GINM1: variants seen among roughly 807,000 people sequenced by gnomAD.
The protein encoded by GINM1 is glycosylated integral membrane protein 1.
Under a neutral mutation model 37.8 loss-of-function variants are expected in GINM1, and 29 were observed. The observed-to-expected ratio is 0.77, with a 90% CI of 0.57 to 1.05. The LOEUF is 1.05. Among genes scored for constraint, GINM1 ranks in the 50% least tolerant of loss-of-function variants. The probability of loss-of-function intolerance (pLI) is 0.00; values close to 1 mark genes in which losing one functional copy is unlikely to be tolerated. For missense variants in GINM1, 377 were observed against 397.9 expected (o/e 0.95, Z 0.45); for synonymous variants, 143 against 146.2 (o/e 0.98, Z 0.16).
chr6:149,582,003 A>G, intron 6 of GINM1: 1 of 470,824 alleles, frequency 2.1e-6, no homozygotes. Flanking sequence ...TGAACTTCCC[A>G]TGTATTCTAA....
At chr6:149,590,147 C>T (rs1055431914) in intron 7 of GINM1, among the ~76,000 whole-genome samples, 2 of 152,180 alleles carry the variant, frequency 1.3e-5, no homozygotes, top group African/African-American at 4.8e-5. Flanking sequence ...CTTAAGACAA[C>T]TTTGTCTTCT....
intron 7 of GINM1, among the ~76,000 whole-genome samples, chr6:149,585,623 C>G (rs1389359513): frequency 1.3e-5 from 2 of 151,928 alleles, no homozygotes; most frequent in Admixed American, 1.3e-4. Flanking sequence ...GACAGAGTCT[C>G]ACTCTGTCGC....
intron 1 of GINM1, among the ~76,000 whole-genome samples, chr6:149,568,943 T>A (rs1489701354): frequency 1.6e-4 from 24 of 152,132 alleles, no homozygotes; most frequent in Non-Finnish European, 5.9e-5. Context: ...GTGATTCTCC[T>A]ATCTCAGCCT....
At chr6:149,586,014 G>A (rs1357380867) in intron 7 of GINM1, among the ~76,000 whole-genome samples, 1 of 152,162 alleles carries the variant, frequency 6.6e-6, no homozygotes, top group Non-Finnish European at 1.5e-5. Context: ...CTTGTTCAGT[G>A]TTAGTTTTGT....
intron 2 of GINM1, 33 bp downstream of exon 2, chr6:149,572,377 TTAGC>T: frequency 6.9e-7 from 1 of 1,448,160 alleles, no homozygotes; most frequent in East Asian, 2.3e-5. Context: ...AATATATAAT[TTAGC>T]TAAGTGCTAT....
chr6:149,587,515 A>G (rs1778090784), intron 7 of GINM1, among the ~76,000 whole-genome samples: 1 of 152,182 alleles, frequency 6.6e-6, no homozygotes, highest in African/African-American at 2.4e-5. Context: ...GGGGCGGCTC[A>G]CAGATCTCAG....
chr6:149,579,905 T>C lies in GINM1; in HGVS notation c.501T>C (p.Tyr167=). The change falls in exon 5 of 8, where the codon TAT becomes TAC. Residue 167 remains tyrosine, a synonymous_variant. Coordinates refer to ENST00000367419, the MANE Select transcript of GINM1 (RefSeq NM_138785.5). ...KNRGVLRHSN[Y]TLPLEESMLY... ...GGGGAGTACTCAGACATTCAAACTATACCCTCCCTTTGGAAGAAAGCATGC... is the reference window on the plus strand; with the variant it reads ...GGGGAGTACTCAGACATTCAAACTACACCCTCCCTTTGGAAGAAAGCATGC... The C allele has an allele frequency of 1.2e-6, 2 of 1,607,468 alleles. No homozygotes were observed. Among genetic ancestry groups the C allele is most frequent in the Non-Finnish European group, 1.7e-6 (2 of 1,174,222 alleles).
chr6:149,580,554 C>A (rs1227242430), intron 5 of GINM1, 39 bp from the exon 6 acceptor site: 2 of 1,582,388 alleles, frequency 1.3e-6, no homozygotes, highest in Non-Finnish European at 8.6e-7. Flanking sequence ...TAGGATAAGA[C>A]ACCAGCATTT....
chr6:149,573,683 A>C (rs955302014), intron 3 of GINM1, among the ~76,000 whole-genome samples: 1 of 152,052 alleles, frequency 6.6e-6, no homozygotes, highest in Non-Finnish European at 1.5e-5. Flanking sequence ...CCCGGGCAAC[A>C]TGGTAAAACC....
At chr6:149,571,112 G>A (rs1049091378) in intron 1 of GINM1, among the ~76,000 whole-genome samples, 1 of 151,868 alleles carries the variant, frequency 6.6e-6, no homozygotes, top group Non-Finnish European at 1.5e-5. Flanking sequence ...TCGGGAGTTC[G>A]CAACCAGCCT....
chr6:149,585,004 G>A (rs534506260), intron 7 of GINM1, among the ~76,000 whole-genome samples: 1 of 152,082 alleles, frequency 6.6e-6, no homozygotes, highest in African/African-American at 2.4e-5. Flanking sequence ...AAAAGTTTTG[G>A]ATTTTGGAGC....
At chr6:149,569,088 C>G (rs898851440) in intron 1 of GINM1, among the ~76,000 whole-genome samples, 1 of 152,136 alleles carries the variant, frequency 6.6e-6, no homozygotes, top group African/African-American at 2.4e-5. Flanking sequence ...AGTGCACTGG[C>G]ATGATCTCGG....
intron 7 of GINM1, among the ~76,000 whole-genome samples, chr6:149,584,201 C>G (rs1486833904): frequency 6.6e-6 from 1 of 152,122 alleles, no homozygotes; most frequent in Non-Finnish European, 1.5e-5. Flanking sequence ...GTCTCGAACT[C>G]CTGACCTCAG....
chr6:149,581,789 A>T lies in GINM1; in HGVS notation c.718-651A>T, dbSNP rs115105059. 3.6e-3 allele frequency among the ~76,000 whole-genome samples: 549 copies of T among 152,262 alleles called. 3 individuals carry two copies. Among genetic ancestry groups the T allele is most frequent in the African/African-American group, 0.013 (521 of 41,540 alleles). ...ATGAGCAGGGTCTATGGTTGGTATT[A>T]AAGGAGTAGTAGTTCTCACTGAAGG... On this transcript the variant is annotated intron_variant, in intron 6 of 7. Transcript: ENST00000367419.
At chr6:149,583,366 G>A (rs1386938599) in intron 7 of GINM1, among the ~76,000 whole-genome samples, 2 of 152,158 alleles carry the variant, frequency 1.3e-5, no homozygotes, top group Non-Finnish European at 2.9e-5. Context: ...AGGAGGCTGA[G>A]GCAGGAGAAT....
At chr6:149,570,554 G>A (rs1412835654) in intron 1 of GINM1, among the ~76,000 whole-genome samples, 1 of 152,076 alleles carries the variant, frequency 6.6e-6, no homozygotes, top group Non-Finnish European at 1.5e-5. Flanking sequence ...CTAAATGTAT[G>A]ATGTTGGTCT....
At position 149,572,288 on chromosome 6, in the gene GINM1, G is replaced by C. The variant is rs142853295; in HGVS notation, c.124G>C (p.Gly42Arg). Residue 42 changes from glycine (G) to arginine (R), a missense_variant, in exon 2 of 8, where the codon GGC becomes CGC. Physicochemically the swap from Gly to Arg is moderately radical, Grantham distance 125 (BLOSUM62 -2). Transcript: ENST00000367419. ...TTACACAATACTTGTTTTACAGGAC[G>C]GCATCAGAATTAATGTAACTACACT... ...PPPLSGAPQDGIRINVTTLKD... is the reference protein window; with the variant it reads ...PPPLSGAPQDRIRINVTTLKD... 1.9e-6 allele frequency: 3 copies of C among 1,587,522 alleles called. No individual in the cohort carries two copies. Among genetic ancestry groups the C allele is most frequent in the Admixed American group, 1.8e-5 (1 of 55,398 alleles).
intron 7 of GINM1, among the ~76,000 whole-genome samples, chr6:149,585,366 A>G (rs1405546313): frequency 2.6e-5 from 4 of 152,166 alleles, no homozygotes; most frequent in Admixed American, 6.5e-5. Flanking sequence ...TTGTCAACTG[A>G]GTTGACATTT....
intron 1 of GINM1, among the ~76,000 whole-genome samples, chr6:149,570,159 TATATATATATATATATATATATATATA>T (rs1483382506): frequency 1.8e-5 from 1 of 56,570 alleles, no homozygotes. Context: ...TATATATATA[TATATATATATATATATATATATATATA>T]TATATATATA....
Sources: gnomAD v4.1 joint callset for allele counts (sites outside exome capture counted in the v4.1 genomes callset) on GRCh38, gnomAD v4.1.1 for gene constraint, MANE v1.5 for transcripts, NCBI Gene and HGNC (gene_info 2026-07-23, HGNC 2026-07-21) for gene names.